QRICH1: variants seen among roughly 807,000 people sequenced by gnomAD.
QRICH1 encodes the protein glutamine rich 1.
QRICH1 carries 16 observed loss-of-function variants against 87.1 expected under a neutral mutation model. The ratio of observed to expected loss-of-function variants is 0.18; its 90% CI spans 0.12 to 0.28. QRICH1 has a LOEUF of 0.28. Among genes scored for constraint, QRICH1 ranks in the 10% least tolerant of loss-of-function variants. The pLI is 1.00. For missense variants in QRICH1, 647 were observed against 951.7 expected (o/e 0.68, Z 4.21); for synonymous variants, 367 against 368.4 (o/e 1.00, Z 0.05).
chr3:49,032,804 G>A, intron 7 of QRICH1, 31 bp from the exon 8 acceptor site: 1 of 1,593,008 alleles, frequency 6.3e-7, no homozygotes. Flanking sequence ...AAGGCAGAGG[G>A]AGGGGTGCCG....
chr3:49,056,746 C>T (rs762182734), intron 3 of QRICH1, 116 bp downstream of exon 3: 5 of 1,497,826 alleles, frequency 3.3e-6, no homozygotes. Flanking sequence ...ATACTAAATA[C>T]TGCATCACTG....
In QRICH1 at chr3:49,056,704, C is replaced by T. The variant is rs1559937047; in HGVS notation, c.1338+158G>A. Reference sequence around the variant, plus strand: ...TAAACTCTTTTTTCTGTTGCATAGCCTCACGTGATGTTTCTCCCCCTCTTC... The same window carrying T: ...TAAACTCTTTTTTCTGTTGCATAGCTTCACGTGATGTTTCTCCCCCTCTTC... On this transcript the variant is annotated intron_variant, in intron 3 of 9. Coordinates refer to ENST00000395443, the MANE Select transcript of QRICH1 (RefSeq NM_198880.3). The T allele has an allele frequency of 3.1e-6, 4 of 1,272,008 alleles. No homozygotes were observed. The South Asian group carries it at 5.7e-5, about 18-fold the overall frequency. 78.8% of individuals were successfully genotyped at this position (1,272,008 alleles called of 1,614,324 possible).
chr3:49,070,466 G>T (rs1575365622), intron 2 of QRICH1, among the ~76,000 whole-genome samples: 2 of 152,022 alleles, frequency 1.3e-5, no homozygotes, highest in Admixed American at 1.3e-4. Context: ...TAGAGACAGG[G>T]TCTTGCACTT....
Position 49,032,622 on chromosome 3 carries a change from CT to C in QRICH1, c.2046del (p.Val683LeufsTer17). ...TGCCATCCCTGCCTCCTTTCCCTAC[CT>C]TTCTGGCCAGTCTGGTGTATTCCAA... ...KALGIHQTGQ[K>X]VTDDMYAEQT... On this transcript the variant is annotated frameshift_variant and splice_region_variant, in exon 8 of 10. Transcript: ENST00000395443. LOFTEE classifies it high-confidence loss of function. 6.4e-7 allele frequency: 1 copy of C among 1,570,292 alleles called. No individual in the cohort carries two copies. Among genetic ancestry groups the C allele is most frequent in the Non-Finnish European group, 8.6e-7 (1 of 1,158,200 alleles).
intron 8 of QRICH1, 150 bp downstream of exon 8, chr3:49,032,472 G>A: frequency 3.6e-6 from 4 of 1,105,880 alleles, no homozygotes; most frequent in Non-Finnish European, 5.2e-6. Flanking sequence ...TAGGAGGAAA[G>A]TTTGGAATTT....
intron 9 of QRICH1, among the ~76,000 whole-genome samples, chr3:49,031,471 G>A (rs938584401): frequency 3.3e-5 from 5 of 152,108 alleles, no homozygotes; most frequent in East Asian, 3.9e-4. Context: ...TCAGCACTAG[G>A]TGCTGATATT....
At chr3:49,038,600 T>C (rs555751403) in intron 6 of QRICH1, among the ~76,000 whole-genome samples, 5 of 152,088 alleles carry the variant, frequency 3.3e-5, no homozygotes, top group Non-Finnish European at 7.4e-5. Context: ...ATTTTTTTAG[T>C]AGAGATGGGG....
At chr3:49,071,537 C>T (rs570402894) in intron 2 of QRICH1, among the ~76,000 whole-genome samples, 1 of 152,052 alleles carries the variant, frequency 6.6e-6, no homozygotes, top group Non-Finnish European at 1.5e-5. Flanking sequence ...GCAAGTGAAT[C>T]GTTTAAGGTC....
chr3:49,042,142 G>A (rs867277656), intron 6 of QRICH1, among the ~76,000 whole-genome samples: 5 of 150,222 alleles, frequency 3.3e-5, no homozygotes, highest in Admixed American at 2.0e-4. Context: ...TTGTCGCCCA[G>A]GCTGGAGTGC....
At chr3:49,047,000 T>A in intron 4 of QRICH1, 69 bp downstream of exon 4, 2 of 1,527,288 alleles carry the variant, frequency 1.3e-6, no homozygotes, top group Non-Finnish European at 1.8e-6. Flanking sequence ...TTTTCTGGCA[T>A]TTTGTCCTCC....
intron 2 of QRICH1, among the ~76,000 whole-genome samples, chr3:49,068,218 G>A (rs925814869): frequency 4.0e-5 from 6 of 151,766 alleles, no homozygotes; most frequent in East Asian, 3.9e-4. Context: ...TTAGCCAGGC[G>A]TGGTGGTGCA....
chr3:49,069,451 T>C (rs1056393502), intron 2 of QRICH1, among the ~76,000 whole-genome samples: 3 of 151,572 alleles, frequency 2.0e-5, no homozygotes, highest in African/African-American at 4.9e-5. Flanking sequence ...ATTACACTTA[T>C]AACTTGCATT....
intron 6 of QRICH1, among the ~76,000 whole-genome samples, chr3:49,039,923 G>A (rs898116619): frequency 2.6e-5 from 4 of 151,812 alleles, no homozygotes; most frequent in Admixed American, 6.6e-5. Flanking sequence ...TTAGCTGGGC[G>A]TGGGGCACAT....
At chr3:49,069,552 T>TC (rs2093489134) in intron 2 of QRICH1, among the ~76,000 whole-genome samples, 1 of 149,958 alleles carries the variant, frequency 6.7e-6, no homozygotes, top group Non-Finnish European at 1.5e-5. Flanking sequence ...AATTTTTTTT[T>TC]TTTTTTTTTT....
At chr3:49,036,681 G>GA (rs928004994) in intron 6 of QRICH1, among the ~76,000 whole-genome samples, 3 of 100,030 alleles carry the variant, frequency 3.0e-5, no homozygotes, top group African/African-American at 1.1e-4. Context: ...GCTAAGCAAA[G>GA]AAAAAAAGAA....
chr3:49,080,966 CAAAAA>C (rs34230924), intron 1 of QRICH1, among the ~76,000 whole-genome samples: 8 of 24,806 alleles, frequency 3.2e-4, no homozygotes, highest in Admixed American at 1.3e-3. Flanking sequence ...AACTCCATCT[CAAAAA>C]AAAAAAAAAA....
chr3:49,059,786 C>T (rs184269351), intron 2 of QRICH1, among the ~76,000 whole-genome samples: 162 of 151,882 alleles, frequency 1.1e-3, no homozygotes, highest in African/African-American at 3.7e-3. Context: ...ATGGTAGTCA[C>T]GGCTCACCGT....
At chr3:49,092,314 T>C (rs2042291717) in intron 1 of QRICH1, 1 of 152,054 alleles carries the variant, frequency 6.6e-6, no homozygotes, top group Non-Finnish European at 1.5e-5. Flanking sequence ...GCACCCAGAA[T>C]TGACAGGATT....
chr3:49,065,607 A>G (rs1553745010), intron 2 of QRICH1, among the ~76,000 whole-genome samples: 1 of 152,196 alleles, frequency 6.6e-6, no homozygotes, highest in Non-Finnish European at 1.5e-5. Context: ...GCAAATTAAT[A>G]CATTGGCATT....
Sources: allele counts gnomAD v4.1 joint callset (sites outside exome capture counted in the v4.1 genomes callset), GRCh38; gene constraint gnomAD v4.1.1; transcripts MANE v1.5; gene names NCBI Gene and HGNC (gene_info 2026-07-23, HGNC 2026-07-21).